Variants in EDA observed in about 807,000 individuals in gnomAD.
EDA encodes the protein ectodysplasin A.
EDA carries 2 observed loss-of-function variants against 23.6 expected under a neutral mutation model. That is an observed-to-expected ratio of 0.08 (90% CI 0.03 to 0.27). The LOEUF (loss-of-function observed/expected upper bound fraction) is 0.27. Ranked by LOEUF, EDA falls within the 10% of genes least tolerant of loss-of-function variation. The pLI is 1.00. For missense variants in EDA, 229 were observed against 324.2 expected (o/e 0.71, Z 2.26); for synonymous variants, 131 against 132.0 (o/e 0.99, Z 0.05).
chrX:69,866,831 C>A (rs2017493578), intron 1 of EDA, among the ~76,000 whole-genome samples: 1 of 112,104 alleles, frequency 8.9e-6, no homozygotes, highest in South Asian at 3.8e-4. Context: ...GCCTGCCGCA[C>A]TTCTTTAGCC....
intron 1 of EDA, among the ~76,000 whole-genome samples, chrX:69,626,758 T>C (rs778356249): frequency 5.4e-5 from 6 of 111,867 alleles, no homozygotes; most frequent in Non-Finnish European, 9.4e-5. Context: ...AAGGAAATGA[T>C]GCAAGAGATA....
chrX:69,775,417 A>G (rs1284915026), intron 1 of EDA, among the ~76,000 whole-genome samples: 3 of 111,909 alleles, frequency 2.7e-5, no homozygotes, highest in East Asian at 5.6e-4. Context: ...GCTACATATA[A>G]TATTCCATAT....
In EDA at chrX:69,616,440, G is replaced by C. The variant is rs760109372; in HGVS notation, c.132G>C (p.Leu44=). The C allele has an allele frequency of 1.7e-6, 2 of 1,211,923 alleles. No homozygotes were observed. The highest frequency in any genetic ancestry group is 5.9e-5 in the East Asian group (2 of 33,788). The change falls in exon 1 of 8, where the codon CTG becomes CTC. Residue 44 remains leucine (L), a synonymous_variant. Transcript: ENST00000374552. ...AGEGNSCLLF[L]GFFGLSLALH... ...AAGGGAACAGCTGCCTGCTCTTCCT[G>C]GGTTTCTTTGGCCTCTCGCTGGCCC...
intron 1 of EDA, chrX:69,860,914 T>C: frequency 3.8e-6 from 2 of 524,750 alleles, no homozygotes; most frequent in Non-Finnish European, 7.0e-6. Context: ...ACTCTGAAGA[T>C]CTGTTAAAAG....
intron 3 of EDA, among the ~76,000 whole-genome samples, chrX:70,027,006 T>A (rs1323774942): frequency 9.0e-6 from 1 of 111,290 alleles, no homozygotes; most frequent in Non-Finnish European, 1.9e-5. Flanking sequence ...CTGATACTGT[T>A]CCTAAGGCCA....
At chrX:69,931,017 T>C (rs1000720302) in intron 1 of EDA, among the ~76,000 whole-genome samples, 16 of 111,449 alleles carry the variant, frequency 1.4e-4, no homozygotes, top group African/African-American at 4.6e-4. Context: ...GATAAGCTGA[T>C]CTGAAAATTT....
At chrX:69,748,107 A>G (rs1483909262) in intron 1 of EDA, among the ~76,000 whole-genome samples, 1 of 111,697 alleles carries the variant, frequency 9.0e-6, no homozygotes, top group Non-Finnish European at 1.9e-5. Context: ...CTCTTGTGGT[A>G]GGGGAAGCAG....
intron 1 of EDA, chrX:69,860,765 A>G: frequency 2.0e-6 from 1 of 511,168 alleles, no homozygotes; most frequent in Non-Finnish European, 3.5e-6. Flanking sequence ...TTATTTGAAT[A>G]TTGGCTTCTC....
intron 2 of EDA, among the ~76,000 whole-genome samples, chrX:69,971,856 C>T (rs2019252984): frequency 9.0e-6 from 1 of 111,097 alleles, no homozygotes; most frequent in Non-Finnish European, 1.9e-5. Flanking sequence ...AGAAAACATG[C>T]TGCAGGCCCA....
intron 1 of EDA, among the ~76,000 whole-genome samples, chrX:69,618,567 G>A (rs1449124579): frequency 8.9e-6 from 1 of 111,769 alleles, no homozygotes; most frequent in East Asian, 2.8e-4. Flanking sequence ...AAGGGAAAGT[G>A]ACTTGCCCAA....
rs146252542 is a variant in EDA at position 70,029,223 on chromosome X, T to C, written c.707-281T>C. ...ACACAGTGATGGGAATGCTCTCTCA[T>C]TGTTCTCCATGGGTGCCCGGTGGGG... On this transcript the variant is annotated intron_variant, in intron 4 of 7. Coordinates refer to ENST00000374552, the MANE Select transcript of EDA (RefSeq NM_001399.5). Among the ~76,000 whole-genome samples, 771 of 112,657 alleles carry C rather than the reference T, an allele frequency of 6.8e-3. 7 individuals carry two copies. The highest frequency in any genetic ancestry group is 0.024 in the African/African-American group (746 of 31,014).
chrX:69,976,606 T>A (rs2019320702), intron 2 of EDA, among the ~76,000 whole-genome samples: 1 of 111,950 alleles, frequency 8.9e-6, no homozygotes, highest in African/African-American at 3.2e-5. Flanking sequence ...TATTTCAGGG[T>A]ATTGATTTCC....
Position 69,919,621 on chromosome X carries a change from T to C in EDA, c.397-37406T>C, listed in dbSNP as rs1775084838. Among the ~76,000 whole-genome samples the C allele has an allele frequency of 2.7e-5, 3 of 111,855 alleles. No individual in the cohort carries two copies. The South Asian group carries it at 1.1e-3, about 41-fold the overall frequency. On this transcript the variant is annotated intron_variant, in intron 1 of 7. Transcript: ENST00000374552. ...CAAAGTTTAATTCCAATAGTGGCCA[T>C]ACAAGAGCCCTTCCTTTTGGATTTA... is the stretch of plus-strand genomic sequence containing the variant.
intron 2 of EDA, among the ~76,000 whole-genome samples, chrX:70,016,481 T>C (rs1460706079): frequency 9.1e-6 from 1 of 109,638 alleles, no homozygotes. Context: ...GACCACACAA[T>C]TGGCCATAAA....
intron 1 of EDA, among the ~76,000 whole-genome samples, chrX:69,876,540 C>A (rs1229147771): frequency 8.9e-6 from 1 of 111,886 alleles, no homozygotes; most frequent in Non-Finnish European, 1.9e-5. Context: ...CTTCAATCAT[C>A]ATGTAAAACC....
At chrX:69,785,002 C>A in intron 1 of EDA, among the ~76,000 whole-genome samples, 1 of 109,201 alleles carries the variant, frequency 9.2e-6, no homozygotes. Flanking sequence ...TGAAGAGGTC[C>A]TTCACATCCC....
intron 1 of EDA, among the ~76,000 whole-genome samples, chrX:69,878,715 GAC>G (rs61027280): frequency 0.015 from 1,482 of 98,743 alleles, 14 homozygotes; most frequent in African/African-American, 0.038. Context: ...CCTTCACCAA[GAC>G]ACACACACAC....
chrX:69,650,271 A>G (rs1933062428), intron 1 of EDA, among the ~76,000 whole-genome samples: 1 of 112,218 alleles, frequency 8.9e-6, no homozygotes, highest in Admixed American at 9.5e-5. Flanking sequence ...CGTATGGTAT[A>G]TTAGATATTG....
chrX:69,945,919 C>T (rs1326268996), intron 1 of EDA, among the ~76,000 whole-genome samples: 6 of 111,913 alleles, frequency 5.4e-5, no homozygotes, highest in African/African-American at 1.3e-4. Flanking sequence ...CCTGCCATTA[C>T]GTCACATAAT....
Sources: allele counts gnomAD v4.1 joint callset (sites outside exome capture counted in the v4.1 genomes callset), GRCh38; gene constraint gnomAD v4.1.1; transcripts MANE v1.5; gene names NCBI Gene and HGNC (gene_info 2026-07-23, HGNC 2026-07-21).